Variants in PCA3 observed in about 807,000 individuals in gnomAD.
PCA3 encodes the protein prostate cancer associated 3.
At chr9:76,783,311 A>G (rs2054623159) in intron 2 of PCA3, among the ~76,000 whole-genome samples, 1 of 151,854 alleles carries the variant, frequency 6.6e-6, no homozygotes, top group Non-Finnish European at 1.5e-5. Context: ...TAATTTTTGT[A>G]TTTTTAGTAG....
intron 2 of PCA3, among the ~76,000 whole-genome samples, chr9:76,781,813 T>A (rs992291436): frequency 1.3e-5 from 2 of 152,234 alleles, no homozygotes; most frequent in African/African-American, 4.8e-5. Flanking sequence ...TATTTCACCT[T>A]TCATCCTGCT....
chr9:76,773,616 G>C (rs1462599680), intron 2 of PCA3, among the ~76,000 whole-genome samples: 1 of 151,878 alleles, frequency 6.6e-6, no homozygotes, highest in Non-Finnish European at 1.5e-5. Flanking sequence ...GCTAATTTTT[G>C]TACTTTTAGT....
intron 2 of PCA3, chr9:76,779,528 A>C (rs1011416375): frequency 2.6e-5 from 4 of 152,208 alleles, no homozygotes; most frequent in African/African-American, 9.6e-5. Context: ...TTTTAAGAGA[A>C]AGTTTTAGAA....
chr9:76,778,846 T>C (rs1459412412), intron 2 of PCA3: 1 of 152,220 alleles, frequency 6.6e-6, no homozygotes, highest in East Asian at 1.9e-4. Context: ...ATGATTATCA[T>C]TCAATCTCAT....
At chr9:76,772,853 C>G (rs2053269132) in intron 2 of PCA3, among the ~76,000 whole-genome samples, 1 of 152,218 alleles carries the variant, frequency 6.6e-6, no homozygotes, top group African/African-American at 2.4e-5. Context: ...GCATGAGCCA[C>G]TGTACCCAGC....
chr9:76,771,111 G>T (rs1052497708), intron 2 of PCA3, among the ~76,000 whole-genome samples: 2 of 152,016 alleles, frequency 1.3e-5, no homozygotes, highest in Non-Finnish European at 2.9e-5. Context: ...CCACAGAAAT[G>T]ATTCTAAAGA....
chr9:76,765,329 T>G (rs1381804386), intron 2 of PCA3, among the ~76,000 whole-genome samples: 1 of 152,130 alleles, frequency 6.6e-6, no homozygotes, highest in Non-Finnish European at 1.5e-5. Flanking sequence ...GAGAAGGAAG[T>G]AGTCAATTGT....
chr9:76,772,587 C>T (rs1032425231), intron 2 of PCA3, among the ~76,000 whole-genome samples: 4 of 152,050 alleles, frequency 2.6e-5, no homozygotes, highest in African/African-American at 9.7e-5. Context: ...TTTTTAGAGA[C>T]AGGGTCTTGC....
chr9:76,782,739 G>C (rs1374796154), intron 2 of PCA3: 5 of 152,226 alleles, frequency 3.3e-5, no homozygotes, highest in Non-Finnish European at 7.3e-5. Context: ...TCCGCTGTGA[G>C]TCTCCTCAGT....
At chr9:76,768,569 ATATATG>A (rs201185194) in intron 2 of PCA3, among the ~76,000 whole-genome samples, 11,644 of 145,204 alleles carry the variant, frequency 0.08, 531 homozygotes, top group East Asian at 0.097. Flanking sequence ...GGGTTGATAT[ATATATG>A]TATATGTATG....
intron 2 of PCA3, among the ~76,000 whole-genome samples, chr9:76,778,005 T>C (rs1404555021): frequency 6.6e-6 from 1 of 152,090 alleles, no homozygotes. Flanking sequence ...TAATAAACAG[T>C]AGGTGAGGTT....
chr9:76,780,493 C>T (rs188809790), intron 2 of PCA3, among the ~76,000 whole-genome samples: 1 of 152,188 alleles, frequency 6.6e-6, no homozygotes, highest in African/African-American at 2.4e-5. Context: ...CAAGACCATC[C>T]TGGCTAACAC....
intron 2 of PCA3, among the ~76,000 whole-genome samples, chr9:76,782,015 C>T (rs575461001): frequency 6.6e-6 from 1 of 152,226 alleles, no homozygotes; most frequent in South Asian, 2.1e-4. Flanking sequence ...GAGATTGAGA[C>T]CATCCTGGCT....
chr9:76,770,095 C>T (rs946190031), intron 2 of PCA3, among the ~76,000 whole-genome samples: 1 of 152,086 alleles, frequency 6.6e-6, no homozygotes, highest in Admixed American at 6.6e-5. Context: ...TGTTAATGCA[C>T]CAAAAATGTA....
In PCA3 at chr9:76,774,450, C is replaced by CTTTTTTTATTTATTTATTTATTTTTTTT. The variant is rs1564272256; in HGVS notation, n.853-34126_853-34125insATTTATTTATTTATTTTTTTTTTTTTTT. Among the ~76,000 whole-genome samples the CTTTTTTTATTTATTTATTTATTTTTTTT allele has an allele frequency of 1.7e-4, 7 of 41,392 alleles. 1 individual carries two copies. Among genetic ancestry groups the CTTTTTTTATTTATTTATTTATTTTTTTT allele is most frequent in the East Asian group, 1.0e-3 (1 of 970 alleles). 27.2% of individuals were successfully genotyped at this position (41,392 alleles called of 152,430 possible). On this transcript the variant is annotated intron_variant and non_coding_transcript_variant, in intron 2 of 5. Coordinates refer to ENST00000644657, the Ensembl canonical transcript of PCA3. The stretch of plus-strand genomic sequence containing the variant: ...ATCGTTCCTGGCCTCCAGTTCAACC[C>CTTTTTTTATTTATTTATTTATTTTTTTT]TTTTTTTTTTTTTTTTTTTTTTTTT...
At chr9:76,769,321 T>C (rs1287758687) in intron 2 of PCA3, among the ~76,000 whole-genome samples, 1 of 152,236 alleles carries the variant, frequency 6.6e-6, no homozygotes, top group Non-Finnish European at 1.5e-5. Flanking sequence ...ACAGAATAAC[T>C]GAACTGTTTT....
intron 2 of PCA3, among the ~76,000 whole-genome samples, chr9:76,780,962 T>C (rs2054322720): frequency 6.6e-6 from 1 of 152,190 alleles, no homozygotes; most frequent in Admixed American, 6.5e-5. Flanking sequence ...ACCAAGTTTT[T>C]ATGCTACGTA....
chr9:76,768,022 T>A (rs937296553), intron 2 of PCA3, among the ~76,000 whole-genome samples: 1 of 152,182 alleles, frequency 6.6e-6, no homozygotes, highest in Non-Finnish European at 1.5e-5. Context: ...CCTCCAGCTA[T>A]ACGTGCATCA....
At chr9:76,765,555 G>T (rs2052261120) in intron 2 of PCA3, among the ~76,000 whole-genome samples, 1 of 152,146 alleles carries the variant, frequency 6.6e-6, no homozygotes, top group African/African-American at 2.4e-5. Context: ...CTGATGGGGA[G>T]GTGGCTCAAT....
Sources: allele counts gnomAD v4.1 joint callset (sites outside exome capture counted in the v4.1 genomes callset), GRCh38; gene constraint gnomAD v4.1.1; transcripts MANE v1.5; gene names NCBI Gene and HGNC (gene_info 2026-07-23, HGNC 2026-07-21).